VIRMA: variants seen among roughly 807,000 people sequenced by gnomAD.
VIRMA encodes the protein protein virilizer homolog.
VIRMA carries 65 observed loss-of-function variants against 182.4 expected under a neutral mutation model. That is an observed-to-expected ratio of 0.36 (90% CI 0.29 to 0.44). The LOEUF (loss-of-function observed/expected upper bound fraction) is 0.44, where lower values mean the gene tolerates loss of function less well. Ranked by LOEUF, VIRMA falls within the 20% of genes least tolerant of loss-of-function variation. VIRMA has a pLI of 1.00. For synonymous variants in VIRMA, 709 were observed against 743.1 expected, an observed-to-expected ratio of 0.95 and a Z score of 0.75; for missense variants, 1,752 against 2,158.1, an observed-to-expected ratio of 0.81 and a Z score of 3.73.
Position 94,526,761 on chromosome 8 carries a change from C to T in VIRMA, c.1483G>A (p.Val495Ile), listed in dbSNP as rs771693154. ...GCATTTAACTTAAGAGAAGATGATA[C>T]GTGATCAGCAAACAGAAGTTCAAAT... ...GLFELLFADHVSSSLKLNAFK... is the reference protein window; with the variant it reads ...GLFELLFADHISSSLKLNAFK... Residue 495 changes from valine to isoleucine, a missense_variant, in exon 8 of 24, where the codon GTA becomes ATA. By Grantham distance (29) the Val-to-Ile change is conservative (BLOSUM62 3). This residue lies in a region of VIRMA where 401 missense variants were observed against 455.1 expected (regional missense o/e 0.88). Coordinates refer to ENST00000297591, the MANE Select transcript of VIRMA (RefSeq NM_015496.5). The T allele has an allele frequency of 4.3e-6, 7 of 1,613,936 alleles. No homozygotes were observed. The highest frequency in any genetic ancestry group is 5.9e-6 in the Non-Finnish European group (7 of 1,180,026).
At chr8:94,546,643 A>AT (rs1346015216) in intron 1 of VIRMA, among the ~76,000 whole-genome samples, 1 of 150,748 alleles carries the variant, frequency 6.6e-6, no homozygotes, top group Admixed American at 6.6e-5. Flanking sequence ...GATTTCTGAG[A>AT]TTTTAGTGTA....
intron 4 of VIRMA, among the ~76,000 whole-genome samples, chr8:94,535,798 T>G (rs1027478428): frequency 6.7e-6 from 1 of 148,836 alleles, no homozygotes; most frequent in Admixed American, 6.7e-5. Flanking sequence ...AAAAAAAAAG[T>G]AAAGGAACCC....
chr8:94,550,315 C>T (rs552712315), intron 1 of VIRMA, among the ~76,000 whole-genome samples: 16 of 148,748 alleles, frequency 1.1e-4, no homozygotes, highest in African/African-American at 3.0e-4. Flanking sequence ...CTTTTTGAGA[C>T]GGAGTCTCGC....
At chr8:94,549,776 T>C (rs902360081) in intron 1 of VIRMA, among the ~76,000 whole-genome samples, 7 of 152,178 alleles carry the variant, frequency 4.6e-5, no homozygotes, top group Non-Finnish European at 1.0e-4. Flanking sequence ...AGTTTCCTTA[T>C]CTATAAAATG....
chr8:94,514,274 G>A (rs1392240554), intron 11 of VIRMA, among the ~76,000 whole-genome samples: 1 of 152,184 alleles, frequency 6.6e-6, no homozygotes, highest in African/African-American at 2.4e-5. Context: ...CTAAGGAACA[G>A]AGATGAAAAA....
intron 11 of VIRMA, among the ~76,000 whole-genome samples, chr8:94,513,602 T>G (rs937301113): frequency 6.6e-6 from 1 of 152,142 alleles, no homozygotes; most frequent in Non-Finnish European, 1.5e-5. Context: ...ATATCATAAT[T>G]AATGGGATAA....
intron 8 of VIRMA, among the ~76,000 whole-genome samples, chr8:94,524,524 C>T (rs1291190643): frequency 6.6e-6 from 1 of 151,034 alleles, no homozygotes; most frequent in African/African-American, 2.4e-5. Flanking sequence ...AGGCTGGTCT[C>T]GAACTCCTGA....
chr8:94,546,025 C>G (rs1445168852), intron 1 of VIRMA, among the ~76,000 whole-genome samples: 4 of 144,138 alleles, frequency 2.8e-5, no homozygotes, highest in Non-Finnish European at 5.9e-5. Flanking sequence ...CCACTGCACC[C>G]CATCCTAAGC....
intron 4 of VIRMA, among the ~76,000 whole-genome samples, chr8:94,536,505 AAC>A (rs1240350535): frequency 3.9e-5 from 6 of 152,248 alleles, no homozygotes; most frequent in Admixed American, 3.9e-4. Flanking sequence ...AGTGTCTAAT[AAC>A]AATTTGCCTG....
rs539553312 is a variant in VIRMA, at chr8:94,529,197, A to G, written c.753T>C (p.Asp251=). The part of the protein sequence containing the change: ...EEEQQEEGEE[D]EDDVDVEEEE... ...CTTCCTCTACATCCACATCATCTTC[A>G]TCTTCTTCTCCTTCTTCTTGTTGTT... The change falls in exon 7 of 24, where the codon GAT becomes GAC. Residue 251 remains aspartate (D), a synonymous_variant. Transcript: ENST00000297591. 6.7e-7 allele frequency: 1 copy of G among 1,481,932 alleles called. No homozygotes were observed. The highest frequency in any genetic ancestry group is 1.4e-5 in the African/African-American group (1 of 72,210). The allele number at this position is 1,481,932 out of a possible 1,614,324, so 91.8% of individuals were successfully genotyped here. A position where few individuals can be genotyped will look rare whatever the true frequency, so the allele number is the denominator to read the frequency against.
chr8:94,531,566 A>G (rs1815177455), intron 5 of VIRMA, among the ~76,000 whole-genome samples: 1 of 152,194 alleles, frequency 6.6e-6, no homozygotes, highest in Non-Finnish European at 1.5e-5. Context: ...TCATCTTCAG[A>G]ATTAACTGAT....
rs1813645485 is a variant in VIRMA, at chr8:94,492,745, G to A, written c.4715C>T (p.Ser1572Leu). ...DFDLHSELER[S>L]FLSEPSSPGR... is the part of the protein sequence containing the mutation. ...TGGAGATGATGGTTCTGACAAAAAT[G>A]AGCGCTCTAATTCTGAGTGCAAATC... Residue 1572 changes from serine (S) to leucine (L), a missense_variant, in exon 21 of 24, where the codon TCA becomes TTA. Ser to Leu is a moderately radical substitution (Grantham distance 145). Coordinates refer to ENST00000297591, the MANE Select transcript of VIRMA (RefSeq NM_015496.5). 1.2e-6 allele frequency: 2 copies of A among 1,613,766 alleles called. No homozygotes were observed. Among genetic ancestry groups the A allele is most frequent in the African/African-American group, 1.3e-5 (1 of 74,882 alleles).
At chr8:94,542,407 CCA>C (rs1321197482) in intron 2 of VIRMA, among the ~76,000 whole-genome samples, 1 of 152,132 alleles carries the variant, frequency 6.6e-6, no homozygotes, top group Non-Finnish European at 1.5e-5. Context: ...TTCTTCAGCC[CCA>C]GTGTATATCT....
At chr8:94,543,977 CG>C (rs1563482357) in intron 1 of VIRMA, 35 bp from the exon 2 acceptor site, 4 of 1,064,392 alleles carry the variant, frequency 3.8e-6, no homozygotes. Flanking sequence ...GGGAGGGGTT[CG>C]GAACATTATG....
chr8:94,549,214 G>A (rs2130401662), intron 1 of VIRMA, among the ~76,000 whole-genome samples: 1 of 152,286 alleles, frequency 6.6e-6, no homozygotes, highest in Non-Finnish European at 1.5e-5. Context: ...TGGAGAAGAG[G>A]AAATTATTGG....
In VIRMA at chr8:94,526,971, G is replaced by A. The variant is rs148211804; in HGVS notation, c.1273C>T (p.Gln425Ter). The change falls in exon 8 of 24, where the codon CAA becomes TAA. Residue 425 changes from glutamine (Q) to a stop codon, truncating the protein, a stop_gained. Transcript: ENST00000297591. LOFTEE classifies it high-confidence loss of function. ...LSYLQLKNTK[Q>*]DSLGQLVDWT... Reference sequence around the variant, plus strand: ...TCTACCAACTGGCCAAGGGAGTCTTGTTTTGTGTTTTTCAATTGCAAATAG... The same window carrying A: ...TCTACCAACTGGCCAAGGGAGTCTTATTTTGTGTTTTTCAATTGCAAATAG... 1 of 1,614,166 alleles carries A rather than the reference G, an allele frequency of 6.2e-7. No homozygotes were observed. The highest frequency in any genetic ancestry group is 1.3e-5 in the African/African-American group (1 of 75,060).
intron 9 of VIRMA, 140 bp downstream of exon 9, chr8:94,518,845 C>T (rs1348640647): frequency 1.3e-6 from 1 of 784,324 alleles, no homozygotes; most frequent in Non-Finnish European, 2.0e-6. Flanking sequence ...GTCACTCTAA[C>T]CTTTAATTAA....
chr8:94,490,357 C>A (rs1364060773), intron 22 of VIRMA, among the ~76,000 whole-genome samples: 12 of 152,174 alleles, frequency 7.9e-5, no homozygotes, highest in Admixed American at 7.9e-4. Context: ...ACTAAGAGAA[C>A]TTGCCTCATG....
chr8:94,525,092 TCTAC>T (rs1170818081), intron 8 of VIRMA, among the ~76,000 whole-genome samples: 1 of 152,218 alleles, frequency 6.6e-6, no homozygotes, highest in African/African-American at 2.4e-5. Context: ...TTTGGGCCTC[TCTAC>T]CTTTCTTTCT....
Sources: allele counts gnomAD v4.1 joint callset (sites outside exome capture counted in the v4.1 genomes callset), GRCh38; gene constraint gnomAD v4.1.1; regional missense constraint gnomAD v4.1.1; transcripts MANE v1.5; gene names NCBI Gene and HGNC (gene_info 2026-07-23, HGNC 2026-07-21).